The following TTLL6 variants were observed in gnomAD, a reference collection of about 807,000 sequenced individuals.
The protein encoded by TTLL6 is tubulin polyglutamylase TTLL6.
In TTLL6, 75 loss-of-function variants were observed where a neutral mutation model predicts 96.4. The ratio of observed to expected loss-of-function variants is 0.78; its 90% CI spans 0.65 to 0.94. The LOEUF (loss-of-function observed/expected upper bound fraction) is 0.94. TTLL6 is among the 40% of genes least tolerant of loss of function. The pLI is 0.00. For synonymous variants in TTLL6, 411 were observed against 419.4 expected (o/e 0.98, Z 0.24); for missense variants, 1,030 against 1,093.0 (o/e 0.94, Z 0.81).
At chr17:48,803,760 TAGGAGAACTGAAGGAC>T in intron 3 of TTLL6, 115 bp downstream of exon 3, 1 of 912,892 alleles carries the variant, frequency 1.1e-6, no homozygotes, top group Non-Finnish European at 1.7e-6. Flanking sequence ...TTCATTGAGC[TAGGAGAACTGAAGGAC>T]AGGATTTGAA....
At chr17:48,811,068 C>CTTTT (rs35618180) in intron 1 of TTLL6, among the ~76,000 whole-genome samples, 1 of 110,546 alleles carries the variant, frequency 9.0e-6, no homozygotes, top group Admixed American at 1.0e-4. Context: ...TATTATTTTT[C>CTTTT]TTTTTTTTTT....
intron 1 of TTLL6, among the ~76,000 whole-genome samples, chr17:48,814,515 T>G (rs182224550): frequency 6.6e-6 from 1 of 152,120 alleles, no homozygotes; most frequent in Non-Finnish European, 1.5e-5. Context: ...CCTTCCATTT[T>G]AGTATAGGGT....
chr17:48,787,938 C>T lies in TTLL6; in HGVS notation c.1462G>A (p.Glu488Lys), dbSNP rs764255988. The T allele has an allele frequency of 1.2e-6, 2 of 1,614,014 alleles. No individual in the cohort carries two copies. The change falls in exon 11 of 16, where the codon GAA becomes AAA. Residue 488 changes from glutamate (E) to lysine (K), a missense_variant. Glu to Lys is a moderately conservative substitution (Grantham distance 56). Transcript: ENST00000393382. Reference sequence around the variant, plus strand: ...ATCAGTCGGAACCCTCCACAGTTTTCCTTCTCATACGTTTCAGTTTTCTTT... The same window carrying T: ...ATCAGTCGGAACCCTCCACAGTTTTTCTTCTCATACGTTTCAGTTTTCTTT... The part of the protein sequence containing the change: ...QLKKTETYEK[E>K]NCGGFRLIYP...
intron 8 of TTLL6, 66 bp from the exon 9 acceptor site, chr17:48,791,669 C>A: frequency 7.2e-7 from 1 of 1,384,876 alleles, no homozygotes; most frequent in Non-Finnish European, 9.9e-7. Context: ...CCATGGCATG[C>A]TGGAAACCAG....
At chr17:48,776,016 C>G (rs2038863290) in intron 13 of TTLL6, among the ~76,000 whole-genome samples, 1 of 152,148 alleles carries the variant, frequency 6.6e-6, no homozygotes. Flanking sequence ...TGTTTCCACC[C>G]CTATTCAACG....
intron 1 of TTLL6, among the ~76,000 whole-genome samples, chr17:48,816,582 C>T (rs2039670246): frequency 6.6e-6 from 1 of 152,164 alleles, no homozygotes; most frequent in Admixed American, 6.5e-5. Flanking sequence ...TGGGAAGTGT[C>T]TTGCTGGAAG....
At position 48,769,390 on chromosome 17, in the gene TTLL6, T is replaced by C. The variant is rs913300470; in HGVS notation, c.2411-136A>G. 9 of 1,107,430 alleles carry C rather than the reference T, an allele frequency of 8.1e-6. No individual in the cohort carries two copies. In the African/African-American group the frequency reaches 1.1e-4, roughly 13 times the overall value. The allele number at this position is 1,107,430 out of a possible 1,614,324, so 68.6% of individuals were successfully genotyped here. On this transcript the variant is annotated intron_variant, in intron 14 of 15. Coordinates refer to ENST00000393382, the MANE Select transcript of TTLL6 (RefSeq NM_001130918.3). The stretch of plus-strand genomic sequence containing the variant: ...AGCTCTTTGAGCCAGAATCAGCCAT[T>C]GCTCCTTTTCTCCAAATAGTTTTTC...
Position 48,797,085 on chromosome 17 carries a change from G to A in TTLL6, c.888C>T (p.Tyr296=). The A allele has an allele frequency of 6.4e-7, 1 of 1,551,508 alleles. No individual in the cohort carries two copies. The highest frequency in any genetic ancestry group is 1.4e-5 in the African/African-American group (1 of 73,082). Residue 296 remains tyrosine, a synonymous_variant, in exon 7 of 16, where the codon TAC becomes TAT. Coordinates refer to ENST00000393382, the MANE Select transcript of TTLL6 (RefSeq NM_001130918.3). The stretch of plus-strand genomic sequence containing the variant: ...CCAGGTTGTCTGTGCAAGGGCGGGA[G>A]TAAGAGGTCGTCGCAAAGCGGGCCA... ...EGLARFATTS[Y]SRPCTDNLDD...
intron 1 of TTLL6, among the ~76,000 whole-genome samples, chr17:48,814,584 A>C (rs934487550): frequency 9.9e-5 from 15 of 152,148 alleles, no homozygotes; most frequent in African/African-American, 3.6e-4. Flanking sequence ...AGACAGCACG[A>C]AAATGTCCTA....
At chr17:48,789,713 C>T (rs2143357262) in intron 10 of TTLL6, among the ~76,000 whole-genome samples, 1 of 152,182 alleles carries the variant, frequency 6.6e-6, no homozygotes, top group South Asian at 2.1e-4. Context: ...CGCCACCATA[C>T]CCGGCTAATT....
chr17:48,780,312 C>T (rs989517381), intron 13 of TTLL6, among the ~76,000 whole-genome samples: 1 of 152,014 alleles, frequency 6.6e-6, no homozygotes, highest in Non-Finnish European at 1.5e-5. Context: ...TCCCAAAATG[C>T]TGGCATTACA....
chr17:48,801,644 C>G lies in TTLL6; in HGVS notation c.362-1G>C. ...CCGTACTGTTGGGCAGCCCTGCGCACTATTGAAGAAAGAAAGGCCTATTAG... is the reference window on the plus strand; with the variant it reads ...CCGTACTGTTGGGCAGCCCTGCGCAGTATTGAAGAAAGAAAGGCCTATTAG... On this transcript the variant is annotated splice_acceptor_variant, in intron 3 of 15. Transcript: ENST00000393382. LOFTEE classifies it high-confidence loss of function. The G allele has an allele frequency of 6.4e-7, 1 of 1,550,808 alleles. No individual in the cohort carries two copies. The highest frequency in any genetic ancestry group is 8.7e-7 in the Non-Finnish European group (1 of 1,146,326).
At chr17:48,777,306 T>C (rs183709113) in intron 13 of TTLL6, among the ~76,000 whole-genome samples, 20 of 152,238 alleles carry the variant, frequency 1.3e-4, no homozygotes, top group Non-Finnish European at 1.2e-4. Context: ...AGAAAAAACA[T>C]AGGAGTGGCC....
chr17:48,812,778 A>G (rs2039614518), intron 1 of TTLL6, among the ~76,000 whole-genome samples: 1 of 152,250 alleles, frequency 6.6e-6, no homozygotes, highest in Admixed American at 6.5e-5. Flanking sequence ...AGAATGAATA[A>G]ATGCATGAAC....
chr17:48,805,462 C>G (rs1457952283), intron 1 of TTLL6, among the ~76,000 whole-genome samples: 1 of 152,242 alleles, frequency 6.6e-6, no homozygotes, highest in African/African-American at 2.4e-5. Flanking sequence ...AACTGCCGCT[C>G]GTGGAGTACA....
chr17:48,765,255 T>A (rs1308685374), intron 15 of TTLL6, among the ~76,000 whole-genome samples: 1 of 152,096 alleles, frequency 6.6e-6, no homozygotes, highest in Admixed American at 6.6e-5. Context: ...ACAAAAATAC[T>A]TTTTAAATTA....
chr17:48,793,067 G>A (rs750802075), intron 8 of TTLL6, among the ~76,000 whole-genome samples: 113 of 152,292 alleles, frequency 7.4e-4, no homozygotes, highest in Middle Eastern at 3.4e-3. Context: ...CCAGAATCCT[G>A]CCAGGTTTTC....
intron 13 of TTLL6, among the ~76,000 whole-genome samples, chr17:48,783,136 G>A (rs2039020370): frequency 6.6e-6 from 1 of 152,196 alleles, no homozygotes; most frequent in Non-Finnish European, 1.5e-5. Flanking sequence ...GTGTGTGTGT[G>A]GGAGGTGGGG....
rs1301064031 is a variant in TTLL6, at chr17:48,793,291, C to A, written c.999-1688G>T. ...GAGAGGAGGAAAGATGAACTCTGCCCAGCACTATGGGAAGAACCCCAAAGG... is the reference window on the plus strand; with the variant it reads ...GAGAGGAGGAAAGATGAACTCTGCCAAGCACTATGGGAAGAACCCCAAAGG... On this transcript the variant is annotated intron_variant, in intron 8 of 15. Transcript: ENST00000393382. Among the ~76,000 whole-genome samples, 9 of 152,220 alleles carry A rather than the reference C, an allele frequency of 5.9e-5. No individual in the cohort carries two copies. In the East Asian group the frequency reaches 1.7e-3, roughly 29 times the overall value.
Sources: gnomAD v4.1 joint callset for allele counts (sites outside exome capture counted in the v4.1 genomes callset) on GRCh38, gnomAD v4.1.1 for gene constraint, MANE v1.5 for transcripts, NCBI Gene and HGNC (gene_info 2026-07-23, HGNC 2026-07-21) for gene names.